The following BAHCC1 variants were observed in gnomAD, a reference collection of about 807,000 sequenced individuals.
BAHCC1 encodes BAH and coiled-coil domain-containing protein 1.
Under a neutral mutation model 88.2 loss-of-function variants are expected in BAHCC1, and 43 were observed. The ratio of observed to expected loss-of-function variants is 0.49; its 90% CI spans 0.38 to 0.63. The LOEUF (loss-of-function observed/expected upper bound fraction) is 0.63, where lower values mean the gene tolerates loss of function less well. BAHCC1 is among the 20% of genes least tolerant of loss of function. BAHCC1 has a pLI of 0.00. For synonymous variants in BAHCC1, 1,510 were observed against 745.5 expected (o/e 2.03, Z -16.71); for missense variants, 3,023 against 1,654.8 (o/e 1.83, Z -14.34).
chr17:81,399,667 C>T lies in BAHCC1; in HGVS notation c.-73C>T. ...GACGCCGCCGCCTCTGCGCCGCCCG[C>T]GCGCCGAGCCGCCCCCGGGCCCCGG... On this transcript the variant is annotated 5_prime_UTR_variant, in exon 2 of 28. Transcript: ENST00000675386. The surrounding 1 kb of genome is among the most constrained non-coding windows in gnomAD (Gnocchi z 4.5). 2 of 934,928 alleles carry T rather than the reference C, an allele frequency of 2.1e-6. No individual in the cohort carries two copies. Among genetic ancestry groups the T allele is most frequent in the East Asian group, 1.1e-4 (1 of 9,028 alleles). The allele number at this position is 934,928 out of a possible 1,614,324, so 57.9% of individuals were successfully genotyped here. A position where few individuals can be genotyped will look rare whatever the true frequency, so the allele number is the denominator to read the frequency against.
chr17:81,429,103 A>G (rs1016013878), intron 3 of BAHCC1, among the ~76,000 whole-genome samples: 6 of 152,182 alleles, frequency 3.9e-5, no homozygotes, highest in African/African-American at 1.4e-4. Context: ...GGCGAGACGC[A>G]TCTCCCGCTG....
chr17:81,444,318 C>T (rs1465969156), intron 6 of BAHCC1, 63 bp from the exon 7 acceptor site: 5 of 646,750 alleles, frequency 7.7e-6, no homozygotes, highest in East Asian at 5.6e-5. Context: ...AACAAAGGGC[C>T]GGGGGTGGGA....
Position 81,461,438 on chromosome 17 carries a change from C to T in BAHCC1, c.6775C>T (p.Arg2259Trp), listed in dbSNP as rs782093775. The T allele has an allele frequency of 1.9e-5, 14 of 736,256 alleles. No homozygotes were observed. The highest frequency in any genetic ancestry group is 1.3e-4 in the Admixed American group (7 of 54,934). 45.6% of individuals were successfully genotyped at this position (736,256 alleles called of 1,614,324 possible). A position where few individuals can be genotyped will look rare whatever the true frequency, so the allele number is the denominator to read the frequency against. ...PALVGKDKKG[R>W]APIPPLPMGL... ...CCTTGTGGGCAAGGACAAGAAGGGG[C>T]GGGCACCCATCCCCCCGCTGCCCAT... The change falls in exon 26 of 28, where the codon CGG (arginine) becomes TGG (tryptophan). Residue 2259 changes from arginine (R) to tryptophan (W), a missense_variant. Transcript: ENST00000675386.
At chr17:81,424,302 G>A (rs2064148996) in intron 2 of BAHCC1, among the ~76,000 whole-genome samples, 2 of 152,330 alleles carry the variant, frequency 1.3e-5, no homozygotes, top group South Asian at 4.1e-4. Context: ...GCCTATGGCT[G>A]GGGCCCCGCT....
Position 81,442,285 on chromosome 17 carries a change from G to T in BAHCC1, c.936G>T (p.Thr312=). 1.6e-6 allele frequency: 1 copy of T among 626,574 alleles called. No homozygotes were observed. Among genetic ancestry groups the T allele is most frequent in the Admixed American group, 2.8e-5 (1 of 36,030 alleles). The allele number at this position is 626,574 out of a possible 1,614,324, so 38.8% of individuals were successfully genotyped here. The part of the protein sequence containing the change: ...CAGGMLGRPG[T]GVVTSGRCAK... ...GGGGCATGCTGGGGCGGCCTGGCACGGGGGTGGTGACCTCCGGGCGCTGTG... is the reference window on the plus strand; with the variant it reads ...GGGGCATGCTGGGGCGGCCTGGCACTGGGGTGGTGACCTCCGGGCGCTGTG... The change falls in exon 5 of 28, where the codon ACG becomes ACT. Residue 312 remains threonine (T), a synonymous_variant. Transcript: ENST00000675386.
At chr17:81,403,473 G>A (rs1271518369) in intron 2 of BAHCC1, among the ~76,000 whole-genome samples, 5 of 86,778 alleles carry the variant, frequency 5.8e-5, no homozygotes, top group Admixed American at 1.4e-4. Flanking sequence ...GCTTCCTACC[G>A]CCAATCTCAA....
At position 81,399,527 on chromosome 17, in the gene BAHCC1, T is replaced by C; in HGVS notation, c.-206-7T>C. The stretch of plus-strand genomic sequence containing the variant: ...CACCCGTGTCTCCTCTGCTTTTGCC[T>C]CCACAGACCATGGACCCGCACAGCG... On this transcript the variant is annotated splice_polypyrimidine_tract_variant and splice_region_variant and intron_variant, in intron 1 of 27. Coordinates refer to ENST00000675386, the MANE Select transcript of BAHCC1 (RefSeq NM_001377448.1). The surrounding 1 kb of genome is among the most constrained non-coding windows in gnomAD (Gnocchi z 4.5). 2.7e-6 allele frequency: 1 copy of C among 364,356 alleles called. No homozygotes were observed. Among genetic ancestry groups the C allele is most frequent in the South Asian group, 1.9e-5 (1 of 53,422 alleles). The allele number at this position is 364,356 out of a possible 1,614,324, so 22.6% of individuals were successfully genotyped here. A position where few individuals can be genotyped will look rare whatever the true frequency, so the allele number is the denominator to read the frequency against.
chr17:81,457,492 C>T lies in BAHCC1; in HGVS notation c.4941C>T (p.Thr1647=), dbSNP rs147880174. The part of the protein sequence containing the change: ...PPREAGLLLH[T]GASVAVLGPS... ...GGGAAGCAGGGCTGCTGCTGCACAC[C>T]GGGGCCAGTGTGGCCGTGCTGGGGC... Residue 1647 remains threonine (T), a synonymous_variant, in exon 17 of 28, where the codon ACC becomes ACT. Coordinates refer to ENST00000675386, the MANE Select transcript of BAHCC1 (RefSeq NM_001377448.1). 454 of 763,528 alleles carry T rather than the reference C, an allele frequency of 5.9e-4. 1 individual carries two copies. In the East Asian group the frequency reaches 9.6e-3, roughly 16 times the overall value. 47.3% of individuals were successfully genotyped at this position (763,528 alleles called of 1,614,324 possible). A position where few individuals can be genotyped will look rare whatever the true frequency, so the allele number is the denominator to read the frequency against.
chr17:81,423,794 C>G (rs2019022530), intron 2 of BAHCC1, among the ~76,000 whole-genome samples: 3 of 152,240 alleles, frequency 2.0e-5, no homozygotes, highest in Admixed American at 1.3e-4. Context: ...GCCTTGGCCA[C>G]TGGACTTGGG....
rs1555653968 is a variant in BAHCC1, at chr17:81,445,146, G to A, written c.2803G>A (p.Ala935Thr). The A allele has an allele frequency of 3.9e-6, 3 of 773,360 alleles. No homozygotes were observed. The highest frequency in any genetic ancestry group is 7.2e-6 in the Non-Finnish European group (3 of 415,696). 47.9% of individuals were successfully genotyped at this position (773,360 alleles called of 1,614,324 possible). A position where few individuals can be genotyped will look rare whatever the true frequency, so the allele number is the denominator to read the frequency against. The change falls in exon 9 of 28, where the codon GCT becomes ACT. Residue 935 changes from alanine (A) to threonine (T), a missense_variant. Transcript: ENST00000675386. ...GCTCCTCCGGCAGCAGGAGCTCTAT[G>A]CTTTGCAGCAGCAGAGGGCCGCCCA... ...PQLLRQQELY[A>T]LQQQRAAQFQ... is the part of the protein sequence containing the mutation.
At chr17:81,412,193 C>T (rs1191521526) in intron 2 of BAHCC1, among the ~76,000 whole-genome samples, 1 of 152,240 alleles carries the variant, frequency 6.6e-6, no homozygotes, top group Admixed American at 6.5e-5. Flanking sequence ...CTGCCGTGGG[C>T]CCTGGTCACT....
At chr17:81,397,411 AAC>A (rs1491302701) in intron 1 of BAHCC1, among the ~76,000 whole-genome samples, 25 of 134,014 alleles carry the variant, frequency 1.9e-4, no homozygotes, top group Non-Finnish European at 3.5e-4. Flanking sequence ...AAAAAAAAAA[AAC>A]AACCACAAAA....
chr17:81,454,923 C>T (rs1186569626), intron 14 of BAHCC1, among the ~76,000 whole-genome samples: 1 of 152,246 alleles, frequency 6.6e-6, no homozygotes, highest in Non-Finnish European at 1.5e-5. Flanking sequence ...CCAGACAGCA[C>T]TGCCAGGGCG....
chr17:81,448,874 A>AC (rs149575776), intron 11 of BAHCC1, among the ~76,000 whole-genome samples: 10,259 of 151,292 alleles, frequency 0.068, 399 homozygotes, highest in Middle Eastern at 0.12. Context: ...CTCCACCTGG[A>AC]CCCCCCAGAG....
chr17:81,425,418 TG>T (rs1198994166), intron 2 of BAHCC1, among the ~76,000 whole-genome samples: 16 of 16,168 alleles, frequency 9.9e-4, no homozygotes, highest in South Asian at 3.1e-3. Context: ...ATGTGGTTGG[TG>T]GGTGATGTGG....
rs782403527 is a variant in BAHCC1, at chr17:81,458,663, G to T, written c.5386G>T (p.Ala1796Ser). 1.4e-6 allele frequency: 1 copy of T among 722,164 alleles called. No homozygotes were observed. Among genetic ancestry groups the T allele is most frequent in the South Asian group, 1.5e-5 (1 of 67,918 alleles). The allele number at this position is 722,164 out of a possible 1,614,324, so 44.7% of individuals were successfully genotyped here. The change falls in exon 19 of 28, where the codon GCC becomes TCC. Residue 1796 changes from alanine to serine, a missense_variant. By Grantham distance (99) the Ala-to-Ser change is moderately conservative. Transcript: ENST00000675386. The stretch of plus-strand genomic sequence containing the variant: ...GTCCATCACGCTGGCCACACGCAAC[G>T]CCAAGGCCATCCTGGGGAAGGGCCG... ...ALSITLATRN[A>S]KAILGKGRKL... is the part of the protein sequence containing the mutation.
intron 2 of BAHCC1, among the ~76,000 whole-genome samples, chr17:81,408,369 G>T (rs557923240): frequency 1.3e-5 from 2 of 151,900 alleles, no homozygotes; most frequent in African/African-American, 4.8e-5. Flanking sequence ...CTAGATGCTC[G>T]GCTACCCCAG....
Position 81,458,895 on chromosome 17 carries a change from CGGAAGAGGAGGAGGACGAGGA to C in BAHCC1, c.5548_5568del (p.Glu1850_Asp1856del), listed in dbSNP as rs781945218. ...GAGTTCGACGACAACAGCAGCTTCT[CGGAAGAGGAGGAGGACGAGGA>C]GGAAGAGGAGGAGGACAGCGGCCCT... On this transcript the variant is annotated inframe_deletion, in exon 20 of 28. Coordinates refer to ENST00000675386, the MANE Select transcript of BAHCC1 (RefSeq NM_001377448.1). 8 of 774,164 alleles carry C rather than the reference CGGAAGAGGAGGAGGACGAGGA, an allele frequency of 1.0e-5. No individual in the cohort carries two copies. The highest frequency in any genetic ancestry group is 1.9e-5 in the Non-Finnish European group (8 of 414,176). 48.0% of individuals were successfully genotyped at this position (774,164 alleles called of 1,614,324 possible).
chr17:81,451,548 C>A, intron 11 of BAHCC1, 120 bp from the exon 12 acceptor site: 1 of 618,504 alleles, frequency 1.6e-6, no homozygotes, highest in Non-Finnish European at 2.9e-6. Flanking sequence ...TCCCGGTCTC[C>A]TGACCCTCAT....
Sources: allele counts gnomAD v4.1 joint callset (sites outside exome capture counted in the v4.1 genomes callset), GRCh38; gene constraint gnomAD v4.1.1; non-coding constraint Gnocchi (gnomAD v3.1); transcripts MANE v1.5; gene names NCBI Gene and HGNC (gene_info 2026-07-23, HGNC 2026-07-21).